The following IL36G variants were observed in gnomAD, a reference collection of about 807,000 sequenced individuals.
IL36G encodes the protein interleukin 36 gamma.
In IL36G, 10 loss-of-function variants were observed where a neutral mutation model predicts 13.5. That is an observed-to-expected ratio of 0.74 (90% CI 0.46 to 1.26). The LOEUF (loss-of-function observed/expected upper bound fraction) is 1.26. Among genes scored for constraint, IL36G ranks in the 50% most tolerant of loss-of-function variants. IL36G has a pLI of 0.00. For synonymous variants in IL36G, 84 were observed against 74.0 expected (o/e 1.13, Z -0.69); for missense variants, 199 against 203.0 (o/e 0.98, Z 0.12).
intron 1 of IL36G, among the ~76,000 whole-genome samples, chr2:112,978,323 G>A (rs977996545): frequency 2.6e-5 from 4 of 152,178 alleles, no homozygotes; most frequent in African/African-American, 9.7e-5. Context: ...GAGGAGTCAG[G>A]GCATCAGGTG....
intron 4 of IL36G, 131 bp from the exon 5 acceptor site, chr2:112,984,706 TTTC>T (rs2105014608): frequency 1.4e-6 from 1 of 718,288 alleles, no homozygotes; most frequent in East Asian, 2.6e-5. Flanking sequence ...AAAATGTGTG[TTTC>T]TCTAGGCCTG....
chr2:112,982,156 C>G (rs1684275381), intron 4 of IL36G, among the ~76,000 whole-genome samples: 1 of 152,176 alleles, frequency 6.6e-6, no homozygotes. Flanking sequence ...ATGGTTACAG[C>G]AGGATAGATA....
intron 4 of IL36G, among the ~76,000 whole-genome samples, chr2:112,982,914 A>T (rs1359384172): frequency 1.3e-5 from 2 of 152,214 alleles, no homozygotes; most frequent in Non-Finnish European, 2.9e-5. Flanking sequence ...AGTTTTCTGC[A>T]AAGTGGAACT....
chr2:112,978,994 T>C (rs937501772), intron 2 of IL36G, among the ~76,000 whole-genome samples: 2 of 152,214 alleles, frequency 1.3e-5, no homozygotes, highest in African/African-American at 2.4e-5. Flanking sequence ...TAGTTTGCCC[T>C]CTTAAACCAG....
At chr2:112,981,535 G>T in intron 4 of IL36G, 1 of 480,978 alleles carries the variant, frequency 2.1e-6, no homozygotes, top group Non-Finnish European at 3.8e-6. Flanking sequence ...TCTTCACACT[G>T]CTCTGTCTTT....
rs1362576019 is a variant in IL36G at position 112,985,532 on chromosome 2, C to G, written c.*483C>G. ...AATAGAACCTTCTTAGCATTAAGAC[C>G]TTGTAAACAAAAATAATTCTTGTGT... On this transcript the variant is annotated 3_prime_UTR_variant, in exon 5 of 5. Coordinates refer to ENST00000259205, the MANE Select transcript of IL36G (RefSeq NM_019618.4). The G allele has an allele frequency of 6.5e-6, 1 of 153,074 alleles. No individual in the cohort carries two copies. Among genetic ancestry groups the G allele is most frequent in the Non-Finnish European group, 1.5e-5 (1 of 68,674 alleles). 9.5% of individuals were successfully genotyped at this position (153,074 alleles called of 1,614,324 possible). A position where few individuals can be genotyped will look rare whatever the true frequency, so the allele number is the denominator to read the frequency against.
At chr2:112,982,072 T>C (rs1684273349) in intron 4 of IL36G, among the ~76,000 whole-genome samples, 1 of 152,160 alleles carries the variant, frequency 6.6e-6, no homozygotes, top group African/African-American at 2.4e-5. Context: ...AGGAGAGAAA[T>C]GGCAAACAAT....
At chr2:112,980,340 CTT>C (rs1038329479) in intron 4 of IL36G, among the ~76,000 whole-genome samples, 192 bp downstream of exon 4, 1 of 145,066 alleles carries the variant, frequency 6.9e-6, no homozygotes, top group East Asian at 2.0e-4. Flanking sequence ...CCTTGTTTTG[CTT>C]TTTTTTTTTC....
chr2:112,984,891 CTT>C lies in IL36G; in HGVS notation c.355_356del (p.Phe119LeufsTer7). 1 of 1,614,144 alleles carries C rather than the reference CTT, an allele frequency of 6.2e-7. No homozygotes were observed. The highest frequency in any genetic ancestry group is 1.3e-5 in the African/African-American group (1 of 75,022). On this transcript the variant is annotated frameshift_variant, in exon 5 of 5. Coordinates refer to ENST00000259205, the MANE Select transcript of IL36G (RefSeq NM_019618.4). LOFTEE classifies it low-confidence loss of function (END_TRUNC). ...YGQPEPVKPF[L>X]FYRAKTGRTS... ...CCAACCCGAGCCCGTGAAACCCTTC[CTT>C]TTCTACCGTGCCAAGACTGGTAGGA...
rs1037561550 is a variant in IL36G, at chr2:112,979,866, G to A, written c.161-143G>A. On this transcript the variant is annotated intron_variant, in intron 3 of 4. Transcript: ENST00000259205. ...ATGAATGAATGAATGAATGAATATG[G>A]GGGTTGGCCATTTGGTGGGTCTAGT... 34 of 552,532 alleles carry A rather than the reference G, an allele frequency of 6.2e-5. 1 individual carries two copies. In the South Asian group the frequency reaches 8.3e-4, roughly 13 times the overall value. 34.2% of individuals were successfully genotyped at this position (552,532 alleles called of 1,614,324 possible).
intron 4 of IL36G, chr2:112,981,242 T>C: frequency 5.7e-6 from 8 of 1,403,118 alleles, no homozygotes; most frequent in Non-Finnish European, 8.0e-6. Context: ...GTTATTCCCC[T>C]CCTTGCCAGC....
At chr2:112,979,354 T>C (rs368579280) in intron 3 of IL36G, 29 bp downstream of exon 3, 14 of 1,276,542 alleles carry the variant, frequency 1.1e-5, no homozygotes, top group Non-Finnish European at 1.6e-5. Context: ...CCTTCCCCAC[T>C]GTTTGCACTG....
chr2:112,983,571 G>T (rs1422502925), intron 4 of IL36G, among the ~76,000 whole-genome samples: 2 of 152,022 alleles, frequency 1.3e-5, no homozygotes, highest in African/African-American at 4.8e-5. Context: ...GTGAGGTGCA[G>T]GGAGAGTAAG....
At position 112,978,642 on chromosome 2, in the gene IL36G, A is replaced by C. The variant is rs1364624480; in HGVS notation, c.4A>C (p.Arg2=). Residue 2 remains arginine (R), a synonymous_variant, in exon 2 of 5, where the codon AGA becomes CGA. Transcript: ENST00000259205. M[R]GTPGDADGGG... ...CAGGTGCTGAGACAACCACACTATG[A>C]GAGGCACTCCAGGAGACGCTGATGG... is the stretch of plus-strand genomic sequence containing the variant. 6.2e-7 allele frequency: 1 copy of C among 1,613,968 alleles called. No homozygotes were observed. The highest frequency in any genetic ancestry group is 1.7e-5 in the Admixed American group (1 of 60,012).
Position 112,985,007 on chromosome 2 carries a change from G to C in IL36G, c.468G>C (p.Gly156=), listed in dbSNP as rs1184418964. 16 of 1,613,980 alleles carry C rather than the reference G, an allele frequency of 9.9e-6. No homozygotes were observed. The highest frequency in any genetic ancestry group is 1.4e-5 in the Non-Finnish European group (16 of 1,180,016). ...CCATCATTCTGACTTCAGAACTTGG[G>C]AAGTCATACAACACTGCCTTTGAAT... ...DQPIILTSEL[G]KSYNTAFELN... The change falls in exon 5 of 5, where the codon GGG becomes GGC. Residue 156 remains glycine, a synonymous_variant. Coordinates refer to ENST00000259205, the MANE Select transcript of IL36G (RefSeq NM_019618.4).
At position 112,985,492 on chromosome 2, in the gene IL36G, T is replaced by G. The variant is rs1684335290; in HGVS notation, c.*443T>G. The G allele has an allele frequency of 6.2e-6, 1 of 162,012 alleles. No homozygotes were observed. Among genetic ancestry groups the G allele is most frequent in the African/African-American group, 2.4e-5 (1 of 41,622 alleles). 10.0% of individuals were successfully genotyped at this position (162,012 alleles called of 1,614,324 possible). A position where few individuals can be genotyped will look rare whatever the true frequency, so the allele number is the denominator to read the frequency against. On this transcript the variant is annotated 3_prime_UTR_variant, in exon 5 of 5. Coordinates refer to ENST00000259205, the MANE Select transcript of IL36G (RefSeq NM_019618.4). Reference sequence around the variant, plus strand: ...ATCCAGTCTTTATATGTTGCCAATATACCTCATTGTGTGTAATAGAACCTT... The same window carrying G: ...ATCCAGTCTTTATATGTTGCCAATAGACCTCATTGTGTGTAATAGAACCTT...
intron 2 of IL36G, 58 bp from the exon 3 acceptor site, chr2:112,979,163 C>A: frequency 8.8e-7 from 1 of 1,132,414 alleles, no homozygotes; most frequent in Non-Finnish European, 1.3e-6. Context: ...TCTCCTGGGT[C>A]TAGTAAAGCA....
At chr2:112,981,291 C>T (rs1684256922) in intron 4 of IL36G, 6 of 1,283,202 alleles carry the variant, frequency 4.7e-6, no homozygotes, top group Non-Finnish European at 6.7e-6. Context: ...ACCTTCTCTC[C>T]CTTCTTTGCA....
intron 4 of IL36G, among the ~76,000 whole-genome samples, chr2:112,982,094 T>C (rs940956746): frequency 1.3e-5 from 2 of 152,216 alleles, no homozygotes; most frequent in Non-Finnish European, 2.9e-5. Flanking sequence ...AATGTAATAG[T>C]AGGCAAATTT....
Sources: allele counts gnomAD v4.1 joint callset (sites outside exome capture counted in the v4.1 genomes callset), GRCh38; gene constraint gnomAD v4.1.1; transcripts MANE v1.5; gene names NCBI Gene and HGNC (gene_info 2026-07-23, HGNC 2026-07-21).